ADGRF5: variants seen among roughly 807,000 people sequenced by gnomAD.
The protein encoded by ADGRF5 is G-protein coupled receptor 116.
ADGRF5 carries 75 observed loss-of-function variants against 132.3 expected under a neutral mutation model. That is an observed-to-expected ratio of 0.57 (90% CI 0.47 to 0.69). The LOEUF (loss-of-function observed/expected upper bound fraction) is 0.69, where lower values mean the gene tolerates loss of function less well. ADGRF5 is among the 30% of genes least tolerant of loss of function. The pLI is 0.00. For synonymous variants in ADGRF5, 629 were observed against 597.6 expected (o/e 1.05, Z -0.77); for missense variants, 1,516 against 1,630.6 (o/e 0.93, Z 1.21).
In ADGRF5 at chr6:46,863,109, C is replaced by T. The variant is rs1298034470; in HGVS notation, c.1991-13G>A. On this transcript the variant is annotated splice_polypyrimidine_tract_variant and intron_variant, in intron 14 of 20. Coordinates refer to ENST00000283296, the MANE Select transcript of ADGRF5 (RefSeq NM_001098518.2). ...GTGATGTTTTCCCCTGTGTTGGAAA[C>T]ATTGAAATAAAGGGATAATTGCAAG... The T allele has an allele frequency of 6.3e-7, 1 of 1,594,876 alleles. No homozygotes were observed. The highest frequency in any genetic ancestry group is 8.6e-7 in the Non-Finnish European group (1 of 1,162,716).
chr6:46,951,647 G>A (rs1778503278), intron 1 of ADGRF5, among the ~76,000 whole-genome samples: 1 of 152,180 alleles, frequency 6.6e-6, no homozygotes, highest in Non-Finnish European at 1.5e-5. Context: ...GCACCACTTG[G>A]TAGAGCTACT....
chr6:46,863,675 C>T (rs1333443392), intron 14 of ADGRF5, among the ~76,000 whole-genome samples: 1 of 152,190 alleles, frequency 6.6e-6, no homozygotes, highest in Non-Finnish European at 1.5e-5. Context: ...TGTGGAATCT[C>T]TCATGTCCAG....
At chr6:46,864,407 AC>A (rs1216503911) in intron 14 of ADGRF5, among the ~76,000 whole-genome samples, 1 of 151,906 alleles carries the variant, frequency 6.6e-6, no homozygotes, top group African/African-American at 2.4e-5. Context: ...ATTTGCTGAA[AC>A]CCCAAAGGAC....
rs182664862 is a variant in ADGRF5 at position 46,875,428 on chromosome 6, C to A, written c.1240+2774G>T. Among the ~76,000 whole-genome samples, 4 of 152,268 alleles carry A rather than the reference C, an allele frequency of 2.6e-5. No individual in the cohort carries two copies. In the East Asian group the frequency reaches 7.7e-4, roughly 29 times the overall value. On this transcript the variant is annotated intron_variant, in intron 10 of 20. Coordinates refer to ENST00000283296, the MANE Select transcript of ADGRF5 (RefSeq NM_001098518.2). Reference sequence around the variant, plus strand: ...CCTCTATAAAATGGTGGTGATGGTACCTGCTTTGCAAGACTTTGTGTGGGG... The same window carrying A: ...CCTCTATAAAATGGTGGTGATGGTAACTGCTTTGCAAGACTTTGTGTGGGG...
rs1778049968 is a variant in ADGRF5 at position 46,941,401 on chromosome 6, G to GAAAAGAAAAGAAAAGAAAAGAAAAGA, written c.-25+13307_-25+13332dup. Among the ~76,000 whole-genome samples, 3 of 23,714 alleles carry GAAAAGAAAAGAAAAGAAAAGAAAAGA rather than the reference G, an allele frequency of 1.3e-4. 1 individual carries two copies. Among genetic ancestry groups the GAAAAGAAAAGAAAAGAAAAGAAAAGA allele is most frequent in the African/African-American group, 6.0e-4 (3 of 5,026 alleles). The allele number at this position is 23,714 out of a possible 152,430, so 15.6% of individuals were successfully genotyped here. On this transcript the variant is annotated intron_variant, in intron 1 of 20. Transcript: ENST00000265417. ...AAAGAAAGAAACAAAGAAAAGAAAA[G>GAAAAGAAAAGAAAAGAAAAGAAAAGA]AAAAGAAAAGAAAAGAAAAGAAAAG...
chr6:46,910,413 G>T (rs576340476), intron 1 of ADGRF5, among the ~76,000 whole-genome samples: 1 of 152,300 alleles, frequency 6.6e-6, no homozygotes, highest in South Asian at 2.1e-4. Context: ...ATAATTGCTA[G>T]TGAAAATGAA....
intron 12 of ADGRF5, among the ~76,000 whole-genome samples, chr6:46,867,794 TGCG>T (rs1364820969): frequency 3.9e-5 from 6 of 152,018 alleles, no homozygotes; most frequent in African/African-American, 1.2e-4. Flanking sequence ...TAATTCCTGC[TGCG>T]GGGGGGAAGA....
intron 1 of ADGRF5, among the ~76,000 whole-genome samples, chr6:46,934,219 T>A (rs1406185157): frequency 6.6e-6 from 1 of 152,050 alleles, no homozygotes; most frequent in Non-Finnish European, 1.5e-5. Flanking sequence ...TACACACACA[T>A]GCATGCACAC....
intron 1 of ADGRF5, among the ~76,000 whole-genome samples, chr6:46,918,767 CG>C (rs1776642127): frequency 6.6e-6 from 1 of 152,124 alleles, no homozygotes; most frequent in African/African-American, 2.4e-5. Context: ...TCTGTTCCTC[CG>C]AAAGACAGCA....
At chr6:46,874,206 A>T (rs928680591) in intron 10 of ADGRF5, among the ~76,000 whole-genome samples, 1 of 152,206 alleles carries the variant, frequency 6.6e-6, no homozygotes, top group African/African-American at 2.4e-5. Flanking sequence ...TCACAGTGTG[A>T]TTCCAATCTG....
intron 1 of ADGRF5, among the ~76,000 whole-genome samples, chr6:46,952,849 T>C (rs1309159173): frequency 2.0e-5 from 3 of 152,104 alleles, no homozygotes; most frequent in Non-Finnish European, 2.9e-5. Flanking sequence ...CTTAGGGATA[T>C]GTCAAAACAT....
At chr6:46,953,105 T>C (rs939171639) in intron 1 of ADGRF5, among the ~76,000 whole-genome samples, 2 of 152,218 alleles carry the variant, frequency 1.3e-5, no homozygotes, top group Non-Finnish European at 2.9e-5. Flanking sequence ...GCTGGCAGGA[T>C]GATAAGGAGC....
At chr6:46,920,529 G>GT in intron 1 of ADGRF5, among the ~76,000 whole-genome samples, 1 of 136,204 alleles carries the variant, frequency 7.3e-6, no homozygotes, top group Non-Finnish European at 1.6e-5. Flanking sequence ...TAATATTTGG[G>GT]GGGGGGGAAG....
rs144073167 is a variant in ADGRF5 at position 46,859,074 on chromosome 6, C to T, written c.2829G>A (p.Lys943=). 2 of 1,614,022 alleles carry T rather than the reference C, an allele frequency of 1.2e-6. No homozygotes were observed. The highest frequency in any genetic ancestry group is 2.7e-5 in the African/African-American group (2 of 74,928). ...TTTCGCCGCCTGAAGGGCTATTGTT[C>T]TTAAAAGTCATTGAAATCCTGAATG... is the stretch of plus-strand genomic sequence containing the variant. ...TMPFRISMTF[K]NNSPSGGETK... Residue 943 remains lysine (K), a synonymous_variant, in exon 17 of 21, where the codon AAG becomes AAA. Coordinates refer to ENST00000283296, the MANE Select transcript of ADGRF5 (RefSeq NM_001098518.2).
rs765847421 is a variant in ADGRF5 at position 46,883,619 on chromosome 6, T to C, written c.552A>G (p.Glu184=). The C allele has an allele frequency of 6.2e-7, 1 of 1,605,614 alleles. No homozygotes were observed. Among genetic ancestry groups the C allele is most frequent in the South Asian group, 1.1e-5 (1 of 89,630 alleles). Residue 184 remains glutamate (E), a synonymous_variant, in exon 6 of 21, where the codon GAA becomes GAG. Coordinates refer to ENST00000283296, the MANE Select transcript of ADGRF5 (RefSeq NM_001098518.2). Reference sequence around the variant, plus strand: ...GGGCGGAGGAAGTGTTCATGAGGTCTTCTTGAAAGCCTACATTTAGTCTGA... The same window carrying C: ...GGGCGGAGGAAGTGTTCATGAGGTCCTCTTGAAAGCCTACATTTAGTCTGA... The part of the protein sequence containing the change: ...MRVRLNVGFQ[E]DLMNTSSALY...
chr6:46,877,291 C>CT (rs780750764), intron 10 of ADGRF5, among the ~76,000 whole-genome samples: 2 of 62,186 alleles, frequency 3.2e-5, no homozygotes, highest in Non-Finnish European at 6.7e-5. Context: ...TTCTTTCTTT[C>CT]TCTCTCTCTC....
chr6:46,929,053 T>G (rs1777402360), intron 1 of ADGRF5, among the ~76,000 whole-genome samples: 1 of 152,192 alleles, frequency 6.6e-6, no homozygotes, highest in Non-Finnish European at 1.5e-5. Flanking sequence ...GTAAGTTTAT[T>G]GCGGCACTAT....
Position 46,879,881 on chromosome 6 carries a change from G to C in ADGRF5, c.973C>G (p.Leu325Val). 6.2e-7 allele frequency: 1 copy of C among 1,614,126 alleles called. No homozygotes were observed. The highest frequency in any genetic ancestry group is 8.5e-7 in the Non-Finnish European group (1 of 1,179,960). Residue 325 changes from leucine to valine, a missense_variant, in exon 9 of 21, where the codon CTT becomes GTT. Coordinates refer to ENST00000283296, the MANE Select transcript of ADGRF5 (RefSeq NM_001098518.2). ...GACACCGAAGTCATGTTGTTGAAAA[G>C]TGCGGTGTAAATCGAGAATCTGCTG... is the stretch of plus-strand genomic sequence containing the variant. The part of the protein sequence containing the change: ...NSSRFSIYTA[L>V]FNNMTSVSKL...
chr6:46,857,633 A>C (rs1210536587), intron 17 of ADGRF5, among the ~76,000 whole-genome samples: 1 of 152,234 alleles, frequency 6.6e-6, no homozygotes, highest in Non-Finnish European at 1.5e-5. Flanking sequence ...TCTGGCATTC[A>C]CAGGACATTC....
Sources: gnomAD v4.1 joint callset for allele counts (sites outside exome capture counted in the v4.1 genomes callset) on GRCh38, gnomAD v4.1.1 for gene constraint, MANE v1.5 for transcripts, NCBI Gene and HGNC (gene_info 2026-07-23, HGNC 2026-07-21) for gene names.